Variants in SIK3 observed in about 807,000 individuals in gnomAD.
The protein encoded by SIK3 is SIK family kinase 3, also known as serine/threonine-protein kinase SIK3.
Under a neutral mutation model 144.2 loss-of-function variants are expected in SIK3, and 28 were observed. That is an observed-to-expected ratio of 0.19 (90% CI 0.14 to 0.27). The LOEUF (loss-of-function observed/expected upper bound fraction) is 0.27. Among genes scored for constraint, SIK3 ranks in the 10% least tolerant of loss-of-function variants. The pLI is 1.00. For missense variants in SIK3, 1,319 were observed against 1,776.0 expected (o/e 0.74, Z 4.62); for synonymous variants, 686 against 676.3 (o/e 1.01, Z -0.22).
At chr11:116,950,592 C>T (rs1483538289) in intron 3 of SIK3, among the ~76,000 whole-genome samples, 2 of 152,312 alleles carry the variant, frequency 1.3e-5, no homozygotes, top group Middle Eastern at 3.4e-3. Context: ...TTCTATTGTT[C>T]TGTTTAAAAG....
intron 4 of SIK3, among the ~76,000 whole-genome samples, chr11:116,898,965 CTTTAG>C (rs1278827306): frequency 2.0e-4 from 29 of 145,240 alleles, no homozygotes; most frequent in Non-Finnish European, 1.1e-4. Context: ...TGCAGAAGCT[CTTTAG>C]TTTAATTAGA....
At chr11:116,914,990 T>G (rs1424087910) in intron 4 of SIK3, among the ~76,000 whole-genome samples, 2 of 152,164 alleles carry the variant, frequency 1.3e-5, no homozygotes, top group African/African-American at 4.8e-5. Flanking sequence ...AAAAATTAAT[T>G]TAAAAGTTCA....
intron 4 of SIK3, among the ~76,000 whole-genome samples, chr11:116,919,472 A>C (rs187817203): frequency 6.6e-6 from 1 of 152,178 alleles, no homozygotes; most frequent in Admixed American, 6.5e-5. Context: ...AGTGGAAACT[A>C]TCTCATGGAG....
intron 4 of SIK3, among the ~76,000 whole-genome samples, chr11:116,921,307 T>C (rs1268077042): frequency 6.6e-6 from 1 of 152,224 alleles, no homozygotes; most frequent in African/African-American, 2.4e-5. Flanking sequence ...AAGTACATTA[T>C]ATATATGCAA....
At chr11:116,864,156 C>G (rs966665718) in intron 15 of SIK3, 3 of 175,028 alleles carry the variant, frequency 1.7e-5, no homozygotes, top group Admixed American at 5.6e-5. Context: ...TACAGAAGCT[C>G]TTGCTTTTAT....
chr11:116,997,057 A>C (rs1316572325), intron 1 of SIK3, among the ~76,000 whole-genome samples: 4 of 152,108 alleles, frequency 2.6e-5, no homozygotes, highest in Non-Finnish European at 5.9e-5. Flanking sequence ...AATCCACCCA[A>C]ATGAAAGCAA....
chr11:117,098,120 C>A (rs1955563746), intron 1 of SIK3, 23 bp downstream of exon 1: 7 of 1,439,726 alleles, frequency 4.9e-6, no homozygotes, highest in Non-Finnish European at 5.5e-6. Flanking sequence ...GCTCCGACTG[C>A]CGCCTGGCCC....
intron 1 of SIK3, among the ~76,000 whole-genome samples, chr11:117,087,093 T>C (rs898350610): frequency 6.6e-6 from 1 of 152,134 alleles, no homozygotes; most frequent in Non-Finnish European, 1.5e-5. Context: ...GTTTGGGTTT[T>C]TGTCCCTTTA....
chr11:116,951,037 G>A lies in SIK3; in HGVS notation c.454+3007C>T, dbSNP rs541621026. On this transcript the variant is annotated intron_variant, in intron 3 of 24. Coordinates refer to ENST00000445177, the MANE Select transcript of SIK3 (RefSeq NM_001366686.3). ...GTTGATCTCTCTCTCACATGAAGGCGTAAGGAAGCACTGTGCTAGAGCTCT... is the reference window on the plus strand; with the variant it reads ...GTTGATCTCTCTCTCACATGAAGGCATAAGGAAGCACTGTGCTAGAGCTCT... Among the ~76,000 whole-genome samples, 12 of 152,292 alleles carry A rather than the reference G, an allele frequency of 7.9e-5. 1 individual carries two copies. Among genetic ancestry groups the A allele is most frequent in the African/African-American group, 1.7e-4 (7 of 41,572 alleles).
intron 4 of SIK3, among the ~76,000 whole-genome samples, chr11:116,923,806 A>G (rs1437654900): frequency 6.6e-6 from 1 of 152,216 alleles, no homozygotes; most frequent in East Asian, 1.9e-4. Context: ...CTGTAATTAT[A>G]TATCAGCAGG....
In SIK3 at chr11:116,853,262, C is replaced by T. The variant is rs561548509; in HGVS notation, c.3656-3979G>A. On this transcript the variant is annotated intron_variant, in intron 21 of 24. Coordinates refer to ENST00000445177, the MANE Select transcript of SIK3 (RefSeq NM_001366686.3). Reference sequence around the variant, plus strand: ...CCTTTGTGACACTCTATAAATAAGACCCTATCGACCATTTTGGGGGGTACA... The same window carrying T: ...CCTTTGTGACACTCTATAAATAAGATCCTATCGACCATTTTGGGGGGTACA... 1.1e-3 allele frequency among the ~76,000 whole-genome samples: 161 copies of T among 152,248 alleles called. 2 individuals carry two copies. The highest frequency in any genetic ancestry group is 3.7e-3 in the African/African-American group (154 of 41,522).
At chr11:116,992,396 T>C (rs1950530282) in intron 1 of SIK3, among the ~76,000 whole-genome samples, 2 of 151,452 alleles carry the variant, frequency 1.3e-5, no homozygotes, top group South Asian at 4.2e-4. Flanking sequence ...TCTTACTATT[T>C]CTGATTCTAT....
At chr11:116,901,782 A>G (rs1001345186) in intron 4 of SIK3, among the ~76,000 whole-genome samples, 3 of 152,208 alleles carry the variant, frequency 2.0e-5, no homozygotes, top group Admixed American at 6.5e-5. Context: ...ACTATGAACA[A>G]AACTGCATTT....
chr11:116,961,019 G>A (rs761312824), intron 1 of SIK3, among the ~76,000 whole-genome samples: 4 of 152,228 alleles, frequency 2.6e-5, no homozygotes, highest in South Asian at 2.1e-4. Context: ...ACTGGCTGCC[G>A]CCAGCTGATG....
chr11:116,990,824 C>T (rs1950476826), intron 1 of SIK3, among the ~76,000 whole-genome samples: 1 of 152,202 alleles, frequency 6.6e-6, no homozygotes, highest in South Asian at 2.1e-4. Flanking sequence ...CCAATAACTT[C>T]CTAATTAATC....
chr11:117,080,702 C>T (rs1383414192), intron 1 of SIK3, among the ~76,000 whole-genome samples: 1 of 152,084 alleles, frequency 6.6e-6, no homozygotes, highest in Non-Finnish European at 1.5e-5. Context: ...AATCCCAGCA[C>T]TTTGGGAGGC....
At chr11:117,026,809 C>G (rs751687095) in intron 1 of SIK3, among the ~76,000 whole-genome samples, 1 of 152,168 alleles carries the variant, frequency 6.6e-6, no homozygotes, top group Non-Finnish European at 1.5e-5. Context: ...CTGTCCCTTT[C>G]ATCAATCTAA....
chr11:116,870,282 G>C, intron 14 of SIK3, 49 bp downstream of exon 14: 1 of 1,611,532 alleles, frequency 6.2e-7, no homozygotes, highest in Non-Finnish European at 8.5e-7. Flanking sequence ...GCTGGTTGCA[G>C]GGGAGCCTGC....
intron 1 of SIK3, among the ~76,000 whole-genome samples, chr11:117,048,874 A>G (rs1014915632): frequency 1.3e-5 from 2 of 151,994 alleles, no homozygotes; most frequent in Non-Finnish European, 2.9e-5. Flanking sequence ...AAGCTGAGGC[A>G]TGTGGATCAT....
Sources: gnomAD v4.1 joint callset for allele counts (sites outside exome capture counted in the v4.1 genomes callset) on GRCh38, gnomAD v4.1.1 for gene constraint, MANE v1.5 for transcripts, NCBI Gene and HGNC (gene_info 2026-07-23, HGNC 2026-07-21) for gene names.